FBXO34: variants seen among roughly 807,000 people sequenced by gnomAD.
The protein encoded by FBXO34 is F-box only protein 34.
Under a neutral mutation model 24.5 loss-of-function variants are expected in FBXO34, and 12 were observed. That is an observed-to-expected ratio of 0.49 (90% CI 0.31 to 0.79). The LOEUF (loss-of-function observed/expected upper bound fraction) is 0.79. FBXO34 is among the 30% of genes least tolerant of loss of function. The probability of loss-of-function intolerance (pLI) is 0.04; values close to 1 mark genes in which losing one functional copy is unlikely to be tolerated. For missense variants in FBXO34, 823 were observed against 857.7 expected (o/e 0.96, Z 0.51); for synonymous variants, 320 against 311.9 (o/e 1.03, Z -0.27).
chr14:55,331,749 A>ATG (rs1883574969), intron 1 of FBXO34, among the ~76,000 whole-genome samples: 1 of 60,880 alleles, frequency 1.6e-5, no homozygotes, highest in Non-Finnish European at 2.7e-5. Flanking sequence ...ATGTGTGTAT[A>ATG]TATATATATA....
At chr14:55,355,742 C>T (rs573380292), downstream of FBXO34, among the ~76,000 whole-genome samples, 2 of 152,348 alleles carry the variant, frequency 1.3e-5, no homozygotes, top group Admixed American at 1.3e-4. Context: ...CTGCACTCAA[C>T]TCAGAGGGCA....
intron 1 of FBXO34, among the ~76,000 whole-genome samples, chr14:55,295,470 C>T (rs1376817709): frequency 7.0e-6 from 1 of 142,222 alleles, no homozygotes; most frequent in Non-Finnish European, 1.5e-5. Context: ...TCTTGACTCA[C>T]TGCATCTTCT....
At chr14:55,356,200 A>C (rs1566571498), downstream of FBXO34, among the ~76,000 whole-genome samples, 1 of 152,056 alleles carries the variant, frequency 6.6e-6, no homozygotes, top group Non-Finnish European at 1.5e-5. Context: ...TTTTTATGTG[A>C]GTGTTCCCAG....
At chr14:55,425,285 T>G in the FBXO34 span, among the ~76,000 whole-genome samples, 2 of 152,080 alleles carry the variant, frequency 1.3e-5, no homozygotes, top group East Asian at 3.9e-4. Flanking sequence ...TTCCCAACAC[T>G]GGGGAGACCA....
chr14:55,318,328 C>A (rs1257228581), intron 1 of FBXO34: 1 of 73,382 alleles, frequency 1.4e-5, no homozygotes, highest in Non-Finnish European at 2.3e-5. Flanking sequence ...TGTTGGTTTG[C>A]AAGTCATATA....
the FBXO34 span, among the ~76,000 whole-genome samples, chr14:55,416,116 A>G: frequency 1.3e-5 from 2 of 152,176 alleles, no homozygotes; most frequent in Admixed American, 1.3e-4. Flanking sequence ...GTTTAATGAT[A>G]TCAGGTTTTA....
the FBXO34 span, among the ~76,000 whole-genome samples, chr14:55,406,964 C>CTT: frequency 2.2e-4 from 31 of 141,478 alleles, no homozygotes; most frequent in African/African-American, 5.9e-4. Flanking sequence ...TTGAGATTGT[C>CTT]TTTTTTTTTT....
intron 1 of FBXO34, among the ~76,000 whole-genome samples, chr14:55,311,366 A>C (rs1434405561): frequency 6.6e-6 from 1 of 152,176 alleles, no homozygotes; most frequent in East Asian, 1.9e-4. Context: ...TCAAGATAAG[A>C]GTTGGGTGGG....
chr14:55,350,274 A>G, intron 1 of FBXO34, 107 bp from the exon 2 acceptor site: 1 of 721,150 alleles, frequency 1.4e-6, no homozygotes, highest in Non-Finnish European at 2.1e-6. Context: ...GAACTGGTAG[A>G]ACATGTTTTT....
the FBXO34 span, among the ~76,000 whole-genome samples, chr14:55,389,629 T>C: frequency 3.9e-5 from 6 of 152,370 alleles, no homozygotes; most frequent in African/African-American, 9.6e-5. Flanking sequence ...CAGAAATTCA[T>C]GGACTGCAGC....
intron 1 of FBXO34, among the ~76,000 whole-genome samples, chr14:55,317,773 C>G (rs1361218189): frequency 1.3e-5 from 2 of 152,126 alleles, no homozygotes; most frequent in African/African-American, 4.8e-5. Flanking sequence ...AAACATTTAC[C>G]AACCCACCAT....
At chr14:55,284,278 C>G (rs1256546795) in intron 1 of FBXO34, among the ~76,000 whole-genome samples, 1 of 152,144 alleles carries the variant, frequency 6.6e-6, no homozygotes, top group African/African-American at 2.4e-5. Flanking sequence ...CTTTGGAAGG[C>G]TGATGCTCAT....
At chr14:55,328,628 C>G (rs1883431062) in intron 1 of FBXO34, among the ~76,000 whole-genome samples, 1 of 152,176 alleles carries the variant, frequency 6.6e-6, no homozygotes, top group African/African-American at 2.4e-5. Flanking sequence ...CCATGGTTGA[C>G]CTTGGGTAAC....
chr14:55,360,525 G>A (rs1288846175), intron 3 of FBXO34, among the ~76,000 whole-genome samples: 1 of 152,018 alleles, frequency 6.6e-6, no homozygotes, highest in Non-Finnish European at 1.5e-5. Flanking sequence ...TCCTCCATGG[G>A]TCTTAAACCC....
intron 1 of FBXO34, among the ~76,000 whole-genome samples, chr14:55,323,218 A>T (rs371315381): frequency 0.31 from 9,184 of 30,030 alleles, 1,501 homozygotes; most frequent in African/African-American, 0.36. Context: ...AAAAAAAAAA[A>T]ATATATATTT....
At chr14:55,395,805 A>C in the FBXO34 span, 1 of 490,810 alleles carries the variant, frequency 2.0e-6, no homozygotes, top group Non-Finnish European at 3.3e-6. Flanking sequence ...TATTTGAGAA[A>C]GCCACGCTAC....
At chr14:55,394,123 C>T in the FBXO34 span, among the ~76,000 whole-genome samples, 1 of 151,710 alleles carries the variant, frequency 6.6e-6, no homozygotes, top group Non-Finnish European at 1.5e-5. Flanking sequence ...TCTCCTGCCA[C>T]AGCCTCCTGA....
chr14:55,280,720 G>T (rs1328747035), intron 1 of FBXO34, among the ~76,000 whole-genome samples: 1 of 151,862 alleles, frequency 6.6e-6, no homozygotes, highest in Non-Finnish European at 1.5e-5. Context: ...TAGAGACGGG[G>T]TTTCACCATG....
intron 1 of FBXO34, among the ~76,000 whole-genome samples, chr14:55,292,872 A>G (rs181627783): frequency 1.1e-3 from 162 of 152,116 alleles, no homozygotes; most frequent in Non-Finnish European, 1.9e-3. Context: ...TCAGTTCTTT[A>G]GGTAAAGAAA....
Sources: allele counts gnomAD v4.1 joint callset (sites outside exome capture counted in the v4.1 genomes callset), GRCh38; gene constraint gnomAD v4.1.1; transcripts MANE v1.5; gene names NCBI Gene and HGNC (gene_info 2026-07-23, HGNC 2026-07-21).